The following GPATCH2L variants were observed in gnomAD, a reference collection of about 807,000 sequenced individuals.
GPATCH2L encodes G-patch domain containing 2 like, also known as G patch domain-containing protein 2-like.
Under a neutral mutation model 57.4 loss-of-function variants are expected in GPATCH2L, and 31 were observed. The observed-to-expected ratio is 0.54, with a 90% CI of 0.41 to 0.73. The LOEUF is 0.73. Ranked by LOEUF, GPATCH2L falls within the 30% of genes least tolerant of loss-of-function variation. The pLI is 0.00. For missense variants in GPATCH2L, 481 were observed against 599.9 expected (o/e 0.80, Z 2.07); for synonymous variants, 199 against 210.7 (o/e 0.94, Z 0.48).
intron 2 of GPATCH2L, among the ~76,000 whole-genome samples, chr14:76,161,408 CA>C (rs2038576573): frequency 6.6e-6 from 1 of 152,084 alleles, no homozygotes; most frequent in Admixed American, 6.5e-5. Flanking sequence ...GAAACAAACC[CA>C]GATGGTAATT....
At chr14:76,223,826 G>A (rs1013009647) in intron 1 of GPATCH2L, among the ~76,000 whole-genome samples, 4 of 152,108 alleles carry the variant, frequency 2.6e-5, no homozygotes, top group Non-Finnish European at 4.4e-5. Context: ...ACAAGCACAC[G>A]AAAAGATGCT....
chr14:76,171,505 G>A (rs1346960594), intron 3 of GPATCH2L, among the ~76,000 whole-genome samples: 1 of 151,958 alleles, frequency 6.6e-6, no homozygotes, highest in Non-Finnish European at 1.5e-5. Context: ...TTGAACCCGG[G>A]AGGGGAGGCG....
intron 5 of GPATCH2L, chr14:76,175,001 T>C (rs952346172): frequency 2.0e-5 from 3 of 152,202 alleles, no homozygotes; most frequent in Admixed American, 6.5e-5. Flanking sequence ...AAATTACTCA[T>C]TTTACAGACA....
chr14:76,162,426 G>GC (rs1329771879), intron 2 of GPATCH2L, among the ~76,000 whole-genome samples: 1 of 152,184 alleles, frequency 6.6e-6, no homozygotes, highest in African/African-American at 2.4e-5. Flanking sequence ...TAACCTAATT[G>GC]CAGAAGTGGC....
Position 76,163,175 on chromosome 14 carries a change from G to A in GPATCH2L, c.663-3488G>A, listed in dbSNP as rs184892751. Among the ~76,000 whole-genome samples, 353 of 152,214 alleles carry A rather than the reference G, an allele frequency of 2.3e-3. 3 individuals carry two copies. The highest frequency in any genetic ancestry group is 0.013 in the South Asian group (62 of 4,818). ...TGGCTCTGATGCTTACTTGCTGTGT[G>A]ATCTTGGGTAACTTGCATACTTTCT... On this transcript the variant is annotated intron_variant, in intron 2 of 9. Transcript: ENST00000261530.
At chr14:76,165,436 G>A (rs2038787383) in intron 2 of GPATCH2L, among the ~76,000 whole-genome samples, 1 of 150,200 alleles carries the variant, frequency 6.7e-6, no homozygotes, top group African/African-American at 2.5e-5. Flanking sequence ...AGGTTATAGT[G>A]AGCCGAGATC....
chr14:76,188,990 C>G (rs1566805557), intron 8 of GPATCH2L, among the ~76,000 whole-genome samples: 1 of 151,942 alleles, frequency 6.6e-6, no homozygotes, highest in Non-Finnish European at 1.5e-5. Context: ...TTCTTGGCAC[C>G]TTTGCTGAAA....
intron 8 of GPATCH2L, among the ~76,000 whole-genome samples, chr14:76,182,585 C>CAAAAA (rs66602777): frequency 1.8e-3 from 155 of 84,556 alleles, no homozygotes; most frequent in Non-Finnish European, 2.2e-3. Context: ...GACCCTGTCT[C>CAAAAA]AAAAAAAAAA....
rs34157061 is a variant in GPATCH2L, at chr14:76,235,168, C to CAA, written c.*117+5230_*117+5231dup. Among the ~76,000 whole-genome samples the CAA allele has an allele frequency of 7.1e-3, 704 of 98,716 alleles. 10 individuals carry two copies. The highest frequency in any genetic ancestry group is 0.02 in the African/African-American group (563 of 28,076). The allele number at this position is 98,716 out of a possible 152,430, so 64.8% of individuals were successfully genotyped here. Reference sequence around the variant, plus strand: ...GGGCAACAAGAGCGAAACTCTGTCTCAAAAAAAAAAAAAAAAGAAAAAAAG... The same window carrying CAA: ...GGGCAACAAGAGCGAAACTCTGTCTCAAAAAAAAAAAAAAAAAAGAAAAAAAG... On this transcript the variant is annotated intron_variant and NMD_transcript_variant, in intron 2 of 3. Coordinates refer to the GPATCH2L transcript ENST00000556372.
intron 2 of GPATCH2L, among the ~76,000 whole-genome samples, chr14:76,165,197 A>G (rs2038772127): frequency 6.6e-6 from 1 of 152,160 alleles, no homozygotes; most frequent in African/African-American, 2.4e-5. Flanking sequence ...AGAATCTATA[A>G]AGAAATAGGG....
intron 9 of GPATCH2L, among the ~76,000 whole-genome samples, chr14:76,197,351 G>T (rs1016678072): frequency 6.6e-6 from 1 of 151,824 alleles, no homozygotes; most frequent in African/African-American, 2.4e-5. Flanking sequence ...TTTATTTTTA[G>T]CTTTTAATTG....
intron 8 of GPATCH2L, among the ~76,000 whole-genome samples, chr14:76,189,311 CAA>C (rs2039881218): frequency 6.6e-6 from 1 of 152,036 alleles, no homozygotes; most frequent in Admixed American, 6.6e-5. Context: ...GACATTTTAA[CAA>C]TATTGATTCT....
rs1283792553 is a variant in GPATCH2L, at chr14:76,204,745, T to C, written c.*2894T>C. The C allele has an allele frequency of 6.6e-6, 1 of 152,224 alleles. No homozygotes were observed. Among genetic ancestry groups the C allele is most frequent in the Non-Finnish European group, 1.5e-5 (1 of 68,040 alleles). The allele number at this position is 152,224 out of a possible 1,614,324, so 9.4% of individuals were successfully genotyped here. On this transcript the variant is annotated 3_prime_UTR_variant, in exon 10 of 10. Transcript: ENST00000261530. ...CTAAAGCTGAGTTAAACAGTTGTTA[T>C]TTATTTCAGGGTTCTGATTTTTCCC...
chr14:76,197,422 A>G (rs1160746374), intron 9 of GPATCH2L, among the ~76,000 whole-genome samples: 1 of 152,176 alleles, frequency 6.6e-6, no homozygotes, highest in African/African-American at 2.4e-5. Flanking sequence ...CAGGTTGGGA[A>G]GTGTACGTGT....
At chr14:76,187,738 CTTTTAT>C (rs1296036431) in intron 8 of GPATCH2L, among the ~76,000 whole-genome samples, 3 of 152,014 alleles carry the variant, frequency 2.0e-5, no homozygotes, top group Non-Finnish European at 4.4e-5. Context: ...ACCAATTTTA[CTTTTAT>C]TTAAAAATGT....
Position 76,154,909 on chromosome 14 carries a change from C to T in GPATCH2L, c.546C>T (p.His182=), listed in dbSNP as rs776838335. The stretch of plus-strand genomic sequence containing the variant: ...ATACTCCCTGGACCTCATCAGGCCA[C>T]GGATTGTGTGAATCAGCAGAAAATA... ...KENTPWTSSG[H]GLCESAENRT... is the part of the protein sequence containing the mutation. The change falls in exon 2 of 10, where the codon CAC becomes CAT. Residue 182 remains histidine (H), a synonymous_variant. Coordinates refer to ENST00000261530, the MANE Select transcript of GPATCH2L (RefSeq NM_017926.4). This position sits in a 1 kb window ranked among gnomAD's most constrained non-coding sequence, Gnocchi z 4.4. The T allele has an allele frequency of 2.5e-5, 40 of 1,613,828 alleles. No individual in the cohort carries two copies. The highest frequency in any genetic ancestry group is 3.1e-5 in the Non-Finnish European group (37 of 1,179,902).
chr14:76,158,299 A>G (rs1056500786), intron 2 of GPATCH2L, among the ~76,000 whole-genome samples: 7 of 152,212 alleles, frequency 4.6e-5, no homozygotes, highest in African/African-American at 1.7e-4. Context: ...TCTCCAGCCC[A>G]GGCTGACCTT....
chr14:76,162,014 T>C (rs2543386), intron 2 of GPATCH2L, among the ~76,000 whole-genome samples: 116,714 of 152,064 alleles, frequency 0.77, 45,814 homozygotes, highest in South Asian at 0.88. Flanking sequence ...CCAGCCTGGG[T>C]GACAGAGCGA....
chr14:76,183,929 G>T (rs1355590624), intron 8 of GPATCH2L, among the ~76,000 whole-genome samples: 2 of 152,102 alleles, frequency 1.3e-5, no homozygotes, highest in African/African-American at 4.8e-5. Flanking sequence ...AGTGGAAATT[G>T]TGTCTTTTTC....
Sources: gnomAD v4.1 joint callset for allele counts (sites outside exome capture counted in the v4.1 genomes callset) on GRCh38, gnomAD v4.1.1 for gene constraint, Gnocchi (gnomAD v3.1) non-coding constraint, MANE v1.5 for transcripts, NCBI Gene and HGNC (gene_info 2026-07-23, HGNC 2026-07-21) for gene names.